Variants in MAP3K5 observed in about 807,000 individuals in gnomAD.
MAP3K5 encodes mitogen-activated protein kinase kinase kinase 5, also known as ASK-1.
In MAP3K5, 56 loss-of-function variants were observed where a neutral mutation model predicts 158.7. The ratio of observed to expected loss-of-function variants is 0.35; its 90% CI spans 0.28 to 0.44. The LOEUF is 0.44. MAP3K5 is among the 20% of genes least tolerant of loss of function. The pLI, the probability that MAP3K5 is intolerant of heterozygous loss-of-function variation, is 1.00. For synonymous variants in MAP3K5, 579 were observed against 601.7 expected (o/e 0.96, Z 0.55); for missense variants, 1,294 against 1,674.8 (o/e 0.77, Z 3.97).
intron 7 of MAP3K5, 89 bp from the exon 8 acceptor site, chr6:136,669,484 T>C: frequency 1.3e-6 from 1 of 748,974 alleles, no homozygotes; most frequent in Non-Finnish European, 2.3e-6. Context: ...CTCCAATGCC[T>C]GAGCAAGTAA....
chr6:136,773,659 G>A (rs1784297857), intron 1 of MAP3K5, among the ~76,000 whole-genome samples: 1 of 152,022 alleles, frequency 6.6e-6, no homozygotes, highest in South Asian at 2.1e-4. Context: ...TTCGTTGGTT[G>A]TTTTCTGAGA....
intron 3 of MAP3K5, among the ~76,000 whole-genome samples, chr6:136,703,070 A>G (rs1267874502): frequency 6.6e-6 from 1 of 152,090 alleles, no homozygotes; most frequent in East Asian, 1.9e-4. Flanking sequence ...CAATTTTTAG[A>G]AACTACATAA....
chr6:136,702,261 G>C (rs1312867678), intron 3 of MAP3K5, among the ~76,000 whole-genome samples: 1 of 152,084 alleles, frequency 6.6e-6, no homozygotes, highest in Non-Finnish European at 1.5e-5. Context: ...ATACAACTGG[G>C]CCTGAGCTAA....
At chr6:136,725,245 T>C (rs566308876) in intron 1 of MAP3K5, among the ~76,000 whole-genome samples, 1 of 152,338 alleles carries the variant, frequency 6.6e-6, no homozygotes, top group Non-Finnish European at 1.5e-5. Context: ...GGGTCATAGG[T>C]AAGGGTATGT....
chr6:136,780,421 C>G (rs970430644), intron 1 of MAP3K5, among the ~76,000 whole-genome samples: 2 of 152,126 alleles, frequency 1.3e-5, no homozygotes, highest in Admixed American at 6.5e-5. Flanking sequence ...TGTATGTATA[C>G]CATATTTGCT....
chr6:136,680,800 C>G (rs1034078778), intron 7 of MAP3K5, among the ~76,000 whole-genome samples: 24 of 152,112 alleles, frequency 1.6e-4, no homozygotes, highest in African/African-American at 5.1e-4. Context: ...CAATAACTGC[C>G]CCAATTCTTT....
chr6:136,629,485 C>T (rs966774429), intron 14 of MAP3K5, among the ~76,000 whole-genome samples: 4 of 152,020 alleles, frequency 2.6e-5, no homozygotes, highest in Admixed American at 6.5e-5. Flanking sequence ...GAAGGAGTCA[C>T]GCTCTGTCGC....
At chr6:136,758,972 C>A (rs1328477421) in intron 1 of MAP3K5, among the ~76,000 whole-genome samples, 4 of 152,028 alleles carry the variant, frequency 2.6e-5, no homozygotes, top group Admixed American at 6.6e-5. Flanking sequence ...CAGAAGTTTG[C>A]GACCAGCCTG....
chr6:136,704,020 C>T (rs1406991175), intron 3 of MAP3K5, among the ~76,000 whole-genome samples: 2 of 152,126 alleles, frequency 1.3e-5, no homozygotes, highest in Non-Finnish European at 2.9e-5. Flanking sequence ...AGGCTGTTTC[C>T]ACTTTATATT....
At chr6:136,687,470 C>A (rs1031078847) in intron 7 of MAP3K5, among the ~76,000 whole-genome samples, 2 of 152,004 alleles carry the variant, frequency 1.3e-5, no homozygotes, top group Admixed American at 6.5e-5. Context: ...AAGAAACTAC[C>A]ATCAGAATGA....
Position 136,697,216 on chromosome 6 carries a change from C to G in MAP3K5, c.975+3G>C. The G allele has an allele frequency of 1.9e-6, 3 of 1,609,138 alleles. No individual in the cohort carries two copies. The highest frequency in any genetic ancestry group is 2.5e-6 in the Non-Finnish European group (3 of 1,176,970). ...AAAGATTTCACTTTAAACATCTTCT[C>G]ACCTGGATATCTCTGTAGGAAAGTA... On this transcript the variant is annotated splice_donor_region_variant and intron_variant, in intron 5 of 29. Transcript: ENST00000359015.
At chr6:136,564,947 G>A (rs986218973) in intron 26 of MAP3K5, among the ~76,000 whole-genome samples, 1 of 152,136 alleles carries the variant, frequency 6.6e-6, no homozygotes, top group Non-Finnish European at 1.5e-5. Context: ...TCTGATTTCT[G>A]TACGTCACTT....
At chr6:136,570,242 T>A (rs992076814) in intron 25 of MAP3K5, among the ~76,000 whole-genome samples, 2 of 152,176 alleles carry the variant, frequency 1.3e-5, no homozygotes, top group African/African-American at 4.8e-5. Flanking sequence ...AGGTACCTTT[T>A]TATATTTACC....
At chr6:136,588,135 G>GC (rs1168085375) in intron 23 of MAP3K5, among the ~76,000 whole-genome samples, 1 of 152,186 alleles carries the variant, frequency 6.6e-6, no homozygotes, top group African/African-American at 2.4e-5. Context: ...CCTTCACTCT[G>GC]CAGTGGCTAA....
intron 2 of MAP3K5, among the ~76,000 whole-genome samples, chr6:136,706,196 G>A (rs1342195360): frequency 6.6e-6 from 1 of 152,058 alleles, no homozygotes; most frequent in Admixed American, 6.5e-5. Context: ...AATCCAAGAG[G>A]CGGAGGCTGC....
At chr6:136,580,605 A>G (rs1393496488) in intron 24 of MAP3K5, among the ~76,000 whole-genome samples, 199 bp from the exon 25 acceptor site, 2 of 152,206 alleles carry the variant, frequency 1.3e-5, no homozygotes, top group Non-Finnish European at 2.9e-5. Flanking sequence ...CCATGTAAGC[A>G]AATAAGTTAT....
chr6:136,595,176 G>C (rs895908642), intron 21 of MAP3K5, among the ~76,000 whole-genome samples: 7 of 152,130 alleles, frequency 4.6e-5, no homozygotes, highest in Non-Finnish European at 1.0e-4. Context: ...GGAGTGCAGT[G>C]GCATGATCTT....
intron 1 of MAP3K5, among the ~76,000 whole-genome samples, chr6:136,767,406 G>A (rs1784010537): frequency 6.6e-6 from 1 of 151,830 alleles, no homozygotes; most frequent in Admixed American, 6.6e-5. Context: ...TGAGGAAGGA[G>A]GAAGGAAGAG....
chr6:136,735,091 A>G (rs6911217), intron 1 of MAP3K5, among the ~76,000 whole-genome samples: 76,349 of 152,112 alleles, frequency 0.5, 19,534 homozygotes, highest in African/African-American at 0.59. Context: ...AAAAATGGCT[A>G]TGGTAGTTTA....
Sources: gnomAD v4.1 joint callset for allele counts (sites outside exome capture counted in the v4.1 genomes callset) on GRCh38, gnomAD v4.1.1 for gene constraint, MANE v1.5 for transcripts, NCBI Gene and HGNC (gene_info 2026-07-23, HGNC 2026-07-21) for gene names.